Variants in DOCK4 observed in about 807,000 individuals in gnomAD.
DOCK4 encodes the protein dedicator of cytokinesis protein 4.
A neutral mutation model predicts 268.1 loss-of-function variants in DOCK4; 97 were observed. The observed-to-expected ratio is 0.36, with a 90% CI of 0.31 to 0.43. DOCK4 has a LOEUF of 0.43. Among genes scored for constraint, DOCK4 ranks in the 20% least tolerant of loss-of-function variants. DOCK4 has a pLI of 1.00. For missense variants in DOCK4, 2,145 were observed against 2,455.7 expected (o/e 0.87, Z 2.67); for synonymous variants, 954 against 887.2 (o/e 1.08, Z -1.34).
At chr7:111,967,279 C>A (rs1797375261) in intron 8 of DOCK4, among the ~76,000 whole-genome samples, 1 of 14,820 alleles carries the variant, frequency 6.7e-5, no homozygotes, top group Non-Finnish European at 1.0e-4. Context: ...TCCCTGTTTG[C>A]AGACGACATG....
At chr7:111,827,397 T>C (rs1209504109) in intron 26 of DOCK4, among the ~76,000 whole-genome samples, 2 of 152,226 alleles carry the variant, frequency 1.3e-5, no homozygotes, top group Non-Finnish European at 1.5e-5. Flanking sequence ...AAAGATTTAA[T>C]GTTCCAGGTT....
Position 111,804,610 on chromosome 7 carries a change from T to A in DOCK4, c.3166+4211A>T, listed in dbSNP as rs560330012. Among the ~76,000 whole-genome samples the A allele has an allele frequency of 2.5e-3, 375 of 152,202 alleles. 7 individuals carry two copies. The highest frequency in any genetic ancestry group is 8.7e-3 in the African/African-American group (361 of 41,532). On this transcript the variant is annotated intron_variant, in intron 30 of 52. Transcript: ENST00000428084. ...ACATTTATTTATATTTATTTTTATTTTTTTTTTGAGACAGAGTCTCGCTCT... is the reference window on the plus strand; with the variant it reads ...ACATTTATTTATATTTATTTTTATTATTTTTTTGAGACAGAGTCTCGCTCT...
intron 1 of DOCK4, among the ~76,000 whole-genome samples, chr7:112,090,949 T>C (rs1809567667): frequency 6.6e-6 from 1 of 152,158 alleles, no homozygotes; most frequent in Non-Finnish European, 1.5e-5. Context: ...AGGGACCCCC[T>C]GACTCTACCG....
intron 1 of DOCK4, among the ~76,000 whole-genome samples, chr7:112,120,718 T>C (rs370047065): frequency 1.3e-5 from 2 of 152,238 alleles, no homozygotes; most frequent in Non-Finnish European, 2.9e-5. Context: ...TATTATACTA[T>C]ATAAAATTGC....
At position 111,840,636 on chromosome 7, in the gene DOCK4, TG is replaced by T. The variant is rs529305313; in HGVS notation, c.2736+4126del. On this transcript the variant is annotated intron_variant, in intron 25 of 52. Transcript: ENST00000428084. The stretch of plus-strand genomic sequence containing the variant: ...TTTTAAAAATAAGGCCTCTGTTATC[TG>T]GAACTATGATACAGCAGACGCCAGT... 2.8e-4 allele frequency: 58 copies of T among 204,030 alleles called. No homozygotes were observed. The East Asian group carries it at 9.4e-3, about 33-fold the overall frequency. The allele number at this position is 204,030 out of a possible 1,614,324, so 12.6% of individuals were successfully genotyped here. A position where few individuals can be genotyped will look rare whatever the true frequency, so the allele number is the denominator to read the frequency against.
intron 11 of DOCK4, 90 bp from the exon 12 acceptor site, chr7:111,935,718 C>G: frequency 2.6e-6 from 3 of 1,133,370 alleles, no homozygotes; most frequent in Non-Finnish European, 3.9e-6. Flanking sequence ...TCGTTATAAC[C>G]ACTATAATGT....
At chr7:111,733,974 G>A (rs111548377) in intron 51 of DOCK4, among the ~76,000 whole-genome samples, 2 of 152,304 alleles carry the variant, frequency 1.3e-5, no homozygotes, top group African/African-American at 4.8e-5. Context: ...GTCTCACTTT[G>A]TTGCCCAGGC....
At chr7:111,871,405 C>G (rs1427385854) in intron 20 of DOCK4, among the ~76,000 whole-genome samples, 1 of 152,188 alleles carries the variant, frequency 6.6e-6, no homozygotes, top group Non-Finnish European at 1.5e-5. Context: ...AACTTTTCAG[C>G]ACCACCTGAG....
intron 1 of DOCK4, among the ~76,000 whole-genome samples, chr7:112,088,815 G>A (rs551698940): frequency 6.6e-6 from 1 of 152,184 alleles, no homozygotes; most frequent in East Asian, 1.9e-4. Flanking sequence ...TAACCCCTTT[G>A]TCCCTCAGTT....
rs1466805337 is a variant in DOCK4 at position 111,728,331 on chromosome 7, C to T, written c.5871G>A (p.Arg1957=). The change falls in exon 53 of 53, where the codon CGG becomes CGA. Residue 1957 remains arginine, a synonymous_variant. Coordinates refer to ENST00000428084, the MANE Select transcript of DOCK4 (RefSeq NM_001363540.2). ...ARSSHLENGA[R]RTDPGPRPRP... is the part of the protein sequence containing the mutation. ...TGGGCCGCGGGCCGGGGTCAGTCCT[C>T]CGGGCCCCATTCTCCAGGTGGCTGG... 1.3e-6 allele frequency: 2 copies of T among 1,518,702 alleles called. No individual in the cohort carries two copies. The highest frequency in any genetic ancestry group is 1.8e-6 in the Non-Finnish European group (2 of 1,135,768). 94.1% of individuals were successfully genotyped at this position (1,518,702 alleles called of 1,614,324 possible).
At chr7:111,843,948 T>C (rs929844174) in intron 25 of DOCK4, among the ~76,000 whole-genome samples, 6 of 152,162 alleles carry the variant, frequency 3.9e-5, no homozygotes, top group Admixed American at 6.5e-5. Context: ...CAGTTTTTAA[T>C]TGCAGAAAGC....
intron 10 of DOCK4, among the ~76,000 whole-genome samples, chr7:111,943,973 G>A (rs1264779641): frequency 6.6e-6 from 1 of 152,204 alleles, no homozygotes; most frequent in East Asian, 1.9e-4. Flanking sequence ...GGCAAGTAAT[G>A]GAGTACAGTT....
chr7:111,855,242 A>T (rs1213819853), intron 23 of DOCK4, among the ~76,000 whole-genome samples: 1 of 152,112 alleles, frequency 6.6e-6, no homozygotes, highest in Non-Finnish European at 1.5e-5. Flanking sequence ...TGGCTAATAG[A>T]TGGGTGGTGA....
intron 1 of DOCK4, among the ~76,000 whole-genome samples, chr7:112,085,006 G>A (rs77447686): frequency 5.3e-5 from 8 of 152,104 alleles, no homozygotes; most frequent in Non-Finnish European, 8.8e-5. Context: ...AATTTGGAGC[G>A]AGGGCTGTCT....
At chr7:111,888,893 G>C (rs139726192) in intron 16 of DOCK4, among the ~76,000 whole-genome samples, 246 of 152,210 alleles carry the variant, frequency 1.6e-3, no homozygotes, top group African/African-American at 5.2e-3. Flanking sequence ...AGGGTATTTG[G>C]AGACAGCTGA....
chr7:111,751,851 C>T (rs1404439751), intron 42 of DOCK4, among the ~76,000 whole-genome samples: 1 of 152,042 alleles, frequency 6.6e-6, no homozygotes, highest in Admixed American at 6.5e-5. Context: ...CTCCTGGGCT[C>T]CAGTGATCTT....
chr7:111,732,294 A>T lies in DOCK4; in HGVS notation c.5420-7T>A, dbSNP rs1032002253. ...GTGTGTCTTGCTGGTGAAGCTGTCA[A>T]TGGGGAGAGAGATAACATTTCAATT... On this transcript the variant is annotated splice_region_variant and splice_polypyrimidine_tract_variant and intron_variant, in intron 51 of 52. Coordinates refer to ENST00000428084, the MANE Select transcript of DOCK4 (RefSeq NM_001363540.2). The T allele has an allele frequency of 1.9e-6, 3 of 1,613,936 alleles. No homozygotes were observed. The Admixed American group carries it at 5.0e-5, about 27-fold the overall frequency.
chr7:111,813,518 G>A (rs554068632), intron 27 of DOCK4, among the ~76,000 whole-genome samples: 102 of 152,286 alleles, frequency 6.7e-4, no homozygotes, highest in African/African-American at 2.3e-3. Context: ...AGACAACCAC[G>A]ATTTCATGGG....
intron 30 of DOCK4, among the ~76,000 whole-genome samples, chr7:111,795,390 GGCTCTGA>G (rs1301927063): frequency 6.6e-6 from 1 of 152,160 alleles, no homozygotes; most frequent in Admixed American, 6.5e-5. Flanking sequence ...AACAATCTGT[GGCTCTGA>G]GCGACATTCT....
Sources: allele counts gnomAD v4.1 joint callset (sites outside exome capture counted in the v4.1 genomes callset), GRCh38; gene constraint gnomAD v4.1.1; transcripts MANE v1.5; gene names NCBI Gene and HGNC (gene_info 2026-07-23, HGNC 2026-07-21).